Variants in ZFAND3 observed in about 807,000 individuals in gnomAD.
ZFAND3 encodes zinc finger AN1-type containing 3.
Under a neutral mutation model 29.6 loss-of-function variants are expected in ZFAND3, and 10 were observed. The ratio of observed to expected loss-of-function variants is 0.34; its 90% confidence interval spans 0.21 to 0.57. ZFAND3 has a LOEUF of 0.57. ZFAND3 is among the 20% of genes least tolerant of loss of function. The pLI is 0.86. For synonymous variants in ZFAND3, 128 were observed against 112.6 expected (o/e 1.14, Z -0.87); for missense variants, 230 against 304.5 (o/e 0.76, Z 1.82).
intron 2 of ZFAND3, among the ~76,000 whole-genome samples, chr6:37,930,328 A>G (rs1024658253): frequency 2.6e-5 from 4 of 152,226 alleles, no homozygotes; most frequent in Non-Finnish European, 5.9e-5. Context: ...ATGTTGCTCT[A>G]TCAATGAGAA....
At chr6:38,016,041 AGTG>A (rs1763246492) in intron 2 of ZFAND3, among the ~76,000 whole-genome samples, 1 of 152,250 alleles carries the variant, frequency 6.6e-6, no homozygotes, top group Non-Finnish European at 1.5e-5. Flanking sequence ...TTCAGTCACC[AGTG>A]GTAACATAGA....
chr6:38,045,248 C>G (rs182072133), intron 2 of ZFAND3, among the ~76,000 whole-genome samples: 2 of 151,730 alleles, frequency 1.3e-5, no homozygotes, highest in South Asian at 4.2e-4. Flanking sequence ...CCACTATGCC[C>G]GGCTAATTTT....
intron 2 of ZFAND3, among the ~76,000 whole-genome samples, chr6:38,060,506 C>G (rs940470801): frequency 6.0e-5 from 9 of 150,860 alleles, no homozygotes; most frequent in African/African-American, 2.2e-4. Context: ...TCCTCCCTTC[C>G]CCTTGCCCTG....
At chr6:37,829,432 A>T (rs2127367180) in intron 1 of ZFAND3, among the ~76,000 whole-genome samples, 2 of 152,122 alleles carry the variant, frequency 1.3e-5, no homozygotes, top group South Asian at 4.2e-4. Flanking sequence ...GCTACTCGGG[A>T]AGCTGAAGCA....
At chr6:37,857,010 C>G (rs1182923050) in intron 1 of ZFAND3, among the ~76,000 whole-genome samples, 1 of 151,748 alleles carries the variant, frequency 6.6e-6, no homozygotes, top group African/African-American at 2.4e-5. Flanking sequence ...GTGCCGTGAT[C>G]AAAGCTCACT....
intron 1 of ZFAND3, among the ~76,000 whole-genome samples, chr6:37,889,325 G>A (rs562641868): frequency 4.5e-4 from 68 of 152,238 alleles, no homozygotes; most frequent in African/African-American, 1.6e-3. Context: ...CCCTTTACAT[G>A]TTATTTGCCA....
chr6:37,925,264 C>T (rs551598038), intron 1 of ZFAND3, among the ~76,000 whole-genome samples: 39 of 152,208 alleles, frequency 2.6e-4, no homozygotes, highest in African/African-American at 8.2e-4. Flanking sequence ...AAGCTATTTA[C>T]AGTGGCCTAG....
Position 38,001,966 on chromosome 6 carries a change from T to C in ZFAND3, c.113-59627T>C, listed in dbSNP as rs542407069. ...TAGGTGAATACAGAGTTTAGCATCC[T>C]TGATCAAATTTATTGTATTACTAGA... On this transcript the variant is annotated intron_variant, in intron 2 of 5. Coordinates refer to ENST00000287218, the MANE Select transcript of ZFAND3 (RefSeq NM_021943.3). Among the ~76,000 whole-genome samples the C allele has an allele frequency of 2.6e-5, 4 of 152,336 alleles. No homozygotes were observed. The South Asian group carries it at 8.3e-4, about 32-fold the overall frequency.
At chr6:37,829,135 A>C (rs895991639) in intron 1 of ZFAND3, among the ~76,000 whole-genome samples, 4 of 152,100 alleles carry the variant, frequency 2.6e-5, no homozygotes, top group Admixed American at 1.3e-4. Context: ...TCTCTTACGA[A>C]GTGGAGAACT....
intron 2 of ZFAND3, among the ~76,000 whole-genome samples, chr6:38,049,981 GTCTC>G (rs1763994162): frequency 1.8e-5 from 2 of 109,720 alleles, no homozygotes; most frequent in Non-Finnish European, 3.6e-5. Context: ...GGGAGACAGA[GTCTC>G]TCTCTGTCTC....
intron 4 of ZFAND3, among the ~76,000 whole-genome samples, chr6:38,085,373 G>T (rs922275076): frequency 1.5e-4 from 23 of 152,254 alleles, no homozygotes; most frequent in South Asian, 1.0e-3. Flanking sequence ...TCCATACAAG[G>T]TTGGACCTAA....
At chr6:38,138,164 A>G (rs969791482) in intron 5 of ZFAND3, among the ~76,000 whole-genome samples, 2 of 152,118 alleles carry the variant, frequency 1.3e-5, no homozygotes, top group Non-Finnish European at 2.9e-5. Flanking sequence ...AAAGAAAAAA[A>G]AAAGAAAAAT....
intron 2 of ZFAND3, among the ~76,000 whole-genome samples, chr6:38,000,639 C>T (rs981302701): frequency 6.6e-6 from 1 of 152,136 alleles, no homozygotes; most frequent in Admixed American, 6.5e-5. Flanking sequence ...GATTCAGTTA[C>T]CTCCCACTTG....
At chr6:37,820,864 C>A (rs1763653658) in intron 1 of ZFAND3, among the ~76,000 whole-genome samples, 1 of 152,164 alleles carries the variant, frequency 6.6e-6, no homozygotes, top group African/African-American at 2.4e-5. Flanking sequence ...CTTCCTCCCC[C>A]CATTACTGTT....
At chr6:38,150,331 C>T (rs1007755068) in intron 5 of ZFAND3, among the ~76,000 whole-genome samples, 1 of 152,208 alleles carries the variant, frequency 6.6e-6, no homozygotes, top group African/African-American at 2.4e-5. Flanking sequence ...GCCCTGCTCT[C>T]CCTGGGAAGC....
chr6:37,920,621 A>G (rs1268720418), intron 1 of ZFAND3, among the ~76,000 whole-genome samples: 1 of 152,226 alleles, frequency 6.6e-6, no homozygotes, highest in Non-Finnish European at 1.5e-5. Flanking sequence ...TTGGAATCTA[A>G]ATTGTTACAT....
At chr6:38,141,458 A>G (rs1313356363) in intron 5 of ZFAND3, among the ~76,000 whole-genome samples, 5 of 152,182 alleles carry the variant, frequency 3.3e-5, no homozygotes, top group Non-Finnish European at 1.5e-5. Context: ...TGTCCCTTTC[A>G]TGGTGTCCCT....
chr6:37,959,550 A>G (rs546228652), intron 2 of ZFAND3, among the ~76,000 whole-genome samples: 1 of 152,322 alleles, frequency 6.6e-6, no homozygotes, highest in South Asian at 2.1e-4. Context: ...TTTGAATAAT[A>G]TGGATTCATA....
chr6:38,117,817 G>A (rs185589593), intron 5 of ZFAND3, among the ~76,000 whole-genome samples: 1 of 152,188 alleles, frequency 6.6e-6, no homozygotes, highest in South Asian at 2.1e-4. Flanking sequence ...CTTCTGAAGC[G>A]GCAGCCTTTG....
Sources: gnomAD v4.1 joint callset for allele counts (sites outside exome capture counted in the v4.1 genomes callset) on GRCh38, gnomAD v4.1.1 for gene constraint, MANE v1.5 for transcripts, NCBI Gene and HGNC (gene_info 2026-07-23, HGNC 2026-07-21) for gene names.